Variants in HOOK2 observed in about 807,000 individuals in gnomAD.
HOOK2 encodes the protein hook microtubule tethering protein 2, also known as protein Hook homolog 2.
In HOOK2, 108 loss-of-function variants were observed where a neutral mutation model predicts 111.9. That is an observed-to-expected ratio of 0.96 (90% confidence interval 0.83 to 1.13). HOOK2 has a LOEUF of 1.13. Ranked by LOEUF, HOOK2 falls within the 50% of genes most tolerant of loss-of-function variation. The pLI is 0.00. For missense variants in HOOK2, 978 were observed against 951.3 expected, an observed-to-expected ratio of 1.03 and a Z score of -0.37; for synonymous variants, 405 against 394.3, an observed-to-expected ratio of 1.03 and a Z score of -0.32.
chr19:12,781,375 G>T (rs946566461), upstream of HOOK2, among the ~76,000 whole-genome samples: 1 of 151,180 alleles, frequency 6.6e-6, no homozygotes, highest in Non-Finnish European at 1.5e-5. Context: ...CGCCCAGTCT[G>T]GAATGCAGTG....
Position 12,771,265 on chromosome 19 carries a change from G to A in HOOK2, c.655C>T (p.Arg219Trp), listed in dbSNP as rs1329299220. ...QSLAQENAGL[R>W]ERMGRPEGEG... ...CCTTCAGGCCGGCCCATCCGCTCCC[G>A]CAGCCCTGCATTCTCTTGCGCCAGG... The change falls in exon 9 of 23, where the codon CGG becomes TGG. Residue 219 changes from arginine to tryptophan, a missense_variant. By Grantham distance (101) the Arg-to-Trp change is moderately radical. Transcript: ENST00000397668. The A allele has an allele frequency of 1.2e-6, 2 of 1,605,330 alleles. No individual in the cohort carries two copies. Among genetic ancestry groups the A allele is most frequent in the African/African-American group, 2.7e-5 (2 of 74,980 alleles).
rs1367789614 is a variant in HOOK2 at position 12,791,297 on chromosome 19, C to T, written n.42-17072G>A. Among the ~76,000 whole-genome samples, 1 of 152,216 alleles carries T rather than the reference C, an allele frequency of 6.6e-6. No homozygotes were observed. Among genetic ancestry groups the T allele is most frequent in the East Asian group, 1.9e-4 (1 of 5,190 alleles). ...TGAGCCCCTCCCCCTGCAGCCCCGC[C>T]GAGCCACCCGGCCCGTGGCCGCTGT... On this transcript the variant is annotated intron_variant and non_coding_transcript_variant, in intron 3 of 3. Transcript: ENST00000589765. The surrounding 1 kb of genome is among the most constrained non-coding windows in gnomAD (Gnocchi z 7.0).
At position 12,769,884 on chromosome 19, in the gene HOOK2, C is replaced by T. The variant is rs1968264737; in HGVS notation, c.1101G>A (p.Arg367=). ...CCTAACCCCGCCCCCGCCGCACCTG[C>T]CGCCGCTGCGCCTCCAGCTGGGCGC... The part of the protein sequence containing the change: ...SLRAQLEAQR[R]QVQELQGQRQ... Residue 367 remains arginine (R), a synonymous_variant, in exon 11 of 23, where the codon CGG becomes CGA. Coordinates refer to ENST00000397668, the MANE Select transcript of HOOK2 (RefSeq NM_013312.3). 6.9e-7 allele frequency: 1 copy of T among 1,453,360 alleles called. No individual in the cohort carries two copies. The allele number at this position is 1,453,360 out of a possible 1,614,324, so 90.0% of individuals were successfully genotyped here. A position where few individuals can be genotyped will look rare whatever the true frequency, so the allele number is the denominator to read the frequency against.
intron 1 of HOOK2, 35 bp from the exon 2 acceptor site, chr19:12,774,932 G>T: frequency 6.3e-7 from 1 of 1,588,592 alleles, no homozygotes. Context: ...GAAAGAGTTA[G>T]GGCCTGGGAG....
upstream of HOOK2, among the ~76,000 whole-genome samples, chr19:12,780,539 G>A (rs1968589752): frequency 6.8e-6 from 1 of 148,134 alleles, no homozygotes; most frequent in Non-Finnish European, 1.5e-5. Context: ...TGTATTTTTA[G>A]TAGAGACGAG....
intron 3 of HOOK2, chr19:12,792,203 C>T (rs756335633): frequency 3.2e-6 from 5 of 1,570,206 alleles, no homozygotes; most frequent in Middle Eastern, 1.7e-4. Context: ...AAGCCCTGGA[C>T]GATCTGCACA....
chr19:12,787,447 A>G (rs1968668754), intron 3 of HOOK2, among the ~76,000 whole-genome samples: 1 of 151,924 alleles, frequency 6.6e-6, no homozygotes. Context: ...CTTGGCCAAC[A>G]TGGTGAAACC....
chr19:12,773,158 T>C lies in HOOK2; in HGVS notation c.205-114A>G, dbSNP rs1210340781. ...TCCCTGCTCATCTCATCCTATTCTG[T>C]CTGCGTGCGCCTTCCTCTAGGGGTG... On this transcript the variant is annotated intron_variant, in intron 3 of 22. Coordinates refer to ENST00000397668, the MANE Select transcript of HOOK2 (RefSeq NM_013312.3). The C allele has an allele frequency of 2.9e-6, 3 of 1,024,176 alleles. No individual in the cohort carries two copies. In the African/African-American group the frequency reaches 4.7e-5, roughly 16 times the overall value. 63.4% of individuals were successfully genotyped at this position (1,024,176 alleles called of 1,614,324 possible).
chr19:12,765,305 C>T, intron 18 of HOOK2: 2 of 602,446 alleles, frequency 3.3e-6, no homozygotes, highest in East Asian at 2.8e-5. Context: ...CCCGGAACAG[C>T]CCCTGCTGTC....
At chr19:12,773,706 C>T (rs1968406101) in intron 3 of HOOK2, among the ~76,000 whole-genome samples, 1 of 152,222 alleles carries the variant, frequency 6.6e-6, no homozygotes, top group Non-Finnish European at 1.5e-5. Flanking sequence ...TTATTTCTCT[C>T]CATGCAGCCA....
chr19:12,771,837 G>A (rs1350953346), intron 7 of HOOK2: 4 of 333,794 alleles, frequency 1.2e-5, no homozygotes, highest in African/African-American at 6.4e-5. Context: ...AGCCGAGATC[G>A]TGCCACTGCA....
At chr19:12,770,233 A>G (rs913107473) in intron 10 of HOOK2, 151 bp from the exon 11 acceptor site, 10 of 616,280 alleles carry the variant, frequency 1.6e-5, no homozygotes, top group South Asian at 2.3e-5. Flanking sequence ...TTAGGGGTCA[A>G]TCAGGGCCTG....
intron 22 of HOOK2, 42 bp from the exon 23 acceptor site, chr19:12,763,473 A>G: frequency 6.2e-7 from 1 of 1,611,160 alleles, no homozygotes; most frequent in Non-Finnish European, 8.5e-7. Context: ...AGCTCACAGG[A>G]CCCCCCCACC....
chr19:12,780,407 A>G (rs1479838501), upstream of HOOK2, among the ~76,000 whole-genome samples: 1 of 151,342 alleles, frequency 6.6e-6, no homozygotes, highest in Non-Finnish European at 1.5e-5. Flanking sequence ...CCCAGGCTGG[A>G]GTGCAGTGGA....
chr19:12,785,577 TCA>T (rs762111786), intron 3 of HOOK2, among the ~76,000 whole-genome samples: 1 of 151,748 alleles, frequency 6.6e-6, no homozygotes, highest in African/African-American at 2.4e-5. Flanking sequence ...CCTATAGAGC[TCA>T]CACACACACA....
rs1244680733 is a variant in HOOK2 at position 12,765,447 on chromosome 19, G to T, written c.1640+243C>A. 5.0e-6 allele frequency: 3 copies of T among 601,116 alleles called. No homozygotes were observed. The African/African-American group carries it at 5.6e-5, about 11-fold the overall frequency. 37.2% of individuals were successfully genotyped at this position (601,116 alleles called of 1,614,324 possible). On this transcript the variant is annotated intron_variant, in intron 18 of 22. Coordinates refer to ENST00000397668, the MANE Select transcript of HOOK2 (RefSeq NM_013312.3). The stretch of plus-strand genomic sequence containing the variant: ...ATACAAATCTCTTCAATAGCAGACA[G>T]GTAAAAGAAAAGAAAGCAGGCCAGG...
rs201380756 is a variant in HOOK2 at position 12,763,301 on chromosome 19, C to T, written c.2141G>A (p.Arg714His). ...GGTCTGTCAGTGCTTGTCAGTGGGG[C>T]GAAGGTTCAGAGATGCCAGGCGTCC... ...PLGRLASLNLRPTDKH is the reference protein window; with the variant it reads ...PLGRLASLNLHPTDKH The change falls in exon 23 of 23, where the codon CGC becomes CAC. Residue 714 changes from arginine to histidine, a missense_variant. Arg to His is a conservative substitution (Grantham distance 29, BLOSUM62 0). Transcript: ENST00000397668. 7.3e-5 allele frequency: 117 copies of T among 1,613,552 alleles called. No homozygotes were observed. Among genetic ancestry groups the T allele is most frequent in the Middle Eastern group, 1.7e-4 (1 of 5,812 alleles).
chr19:12,782,982 T>C (rs1968622121), upstream of HOOK2, among the ~76,000 whole-genome samples: 1 of 151,460 alleles, frequency 6.6e-6, no homozygotes, highest in Non-Finnish European at 1.5e-5. Flanking sequence ...TCCAGCTGCC[T>C]AGTCTACTGA....
At position 12,790,316 on chromosome 19, in the gene HOOK2, C is replaced by A. The variant is rs963878877; in HGVS notation, n.42-16091G>T. Among the ~76,000 whole-genome samples the A allele has an allele frequency of 7.2e-5, 11 of 152,238 alleles. No homozygotes were observed. The highest frequency in any genetic ancestry group is 2.7e-4 in the African/African-American group (11 of 41,472). On this transcript the variant is annotated intron_variant and non_coding_transcript_variant, in intron 3 of 3. Transcript: ENST00000589765. This position sits in a 1 kb window ranked among gnomAD's most constrained non-coding sequence, Gnocchi z 7.2. ...ACGGAGACAGGGCCGGGCTCCTTCC[C>A]CCGGGGCTGTTGCCACACTTCCTGC...
Sources: allele counts gnomAD v4.1 joint callset (sites outside exome capture counted in the v4.1 genomes callset), GRCh38; gene constraint gnomAD v4.1.1; non-coding constraint Gnocchi (gnomAD v3.1); transcripts MANE v1.5; gene names NCBI Gene and HGNC (gene_info 2026-07-23, HGNC 2026-07-21).